ZNF804B: variants seen among roughly 807,000 people sequenced by gnomAD.
ZNF804B encodes the protein zinc finger protein 804B.
ZNF804B carries 80 observed loss-of-function variants against 101.4 expected under a neutral mutation model. The observed-to-expected ratio is 0.79, with a 90% CI of 0.66 to 0.95. The LOEUF is 0.95. Among genes scored for constraint, ZNF804B ranks in the 40% least tolerant of loss-of-function variants. The pLI is 0.00. For synonymous variants in ZNF804B, 622 were observed against 558.8 expected (o/e 1.11, Z -1.59); for missense variants, 1,673 against 1,561.9 (o/e 1.07, Z -1.20).
At chr7:88,877,049 A>ATATATATT (rs1791962731) in intron 1 of ZNF804B, among the ~76,000 whole-genome samples, 1 of 13,914 alleles carries the variant, frequency 7.2e-5, no homozygotes, top group African/African-American at 4.3e-4. Flanking sequence ...ATATATATAT[A>ATATATATT]TTTTTTTTTT....
At chr7:89,203,007 G>GCA (rs141134304) in intron 1 of ZNF804B, among the ~76,000 whole-genome samples, 9 of 151,534 alleles carry the variant, frequency 5.9e-5, no homozygotes, top group Middle Eastern at 3.4e-3. Flanking sequence ...TCTCTACACA[G>GCA]CACACACACA....
chr7:89,072,842 C>T (rs1012989266), intron 1 of ZNF804B, among the ~76,000 whole-genome samples: 1 of 151,966 alleles, frequency 6.6e-6, no homozygotes, highest in Non-Finnish European at 1.5e-5. Flanking sequence ...CAAATGTGAG[C>T]TCATTTTATT....
chr7:89,258,489 G>C (rs1789667693), intron 2 of ZNF804B, among the ~76,000 whole-genome samples: 1 of 152,134 alleles, frequency 6.6e-6, no homozygotes, highest in Non-Finnish European at 1.5e-5. Flanking sequence ...CCATATAGTT[G>C]AATAAATGGT....
At chr7:88,836,423 A>G (rs1045205564) in intron 1 of ZNF804B, among the ~76,000 whole-genome samples, 2 of 151,880 alleles carry the variant, frequency 1.3e-5, no homozygotes, top group African/African-American at 4.8e-5. Context: ...GGGGCAGCAA[A>G]TCAAATCACT....
intron 3 of ZNF804B, 27 bp from the exon 4 acceptor site, chr7:89,333,335 AT>A (rs772061939): frequency 6.6e-7 from 1 of 1,512,750 alleles, no homozygotes; most frequent in Non-Finnish European, 8.8e-7. Flanking sequence ...TAATCTCTTA[AT>A]CATTTAAATA....
At chr7:88,953,088 T>C (rs910505440) in intron 1 of ZNF804B, among the ~76,000 whole-genome samples, 8 of 151,832 alleles carry the variant, frequency 5.3e-5, no homozygotes, top group Admixed American at 6.6e-5. Flanking sequence ...TCCACTAGAC[T>C]CAGAGCTTCT....
At chr7:88,875,968 A>G (rs1374041231) in intron 1 of ZNF804B, among the ~76,000 whole-genome samples, 1 of 152,150 alleles carries the variant, frequency 6.6e-6, no homozygotes, top group East Asian at 1.9e-4. Context: ...CACTGTGAGC[A>G]AGTGGGCTTC....
chr7:89,280,784 G>A (rs1790080710), intron 2 of ZNF804B, among the ~76,000 whole-genome samples: 1 of 152,158 alleles, frequency 6.6e-6, no homozygotes, highest in Non-Finnish European at 1.5e-5. Flanking sequence ...ATCAAAAAGA[G>A]TCCAGGACCA....
intron 1 of ZNF804B, among the ~76,000 whole-genome samples, chr7:89,171,522 C>A (rs920533557): frequency 6.6e-6 from 1 of 151,868 alleles, no homozygotes; most frequent in Non-Finnish European, 1.5e-5. Context: ...GCAATCTCTG[C>A]CTCCCGGGTT....
At position 88,918,360 on chromosome 7, in the gene ZNF804B, T is replaced by C. The variant is rs181730384; in HGVS notation, c.108+158276T>C. 5.3e-5 allele frequency among the ~76,000 whole-genome samples: 8 copies of C among 152,312 alleles called. No homozygotes were observed. In the East Asian group the frequency reaches 1.5e-3, roughly 29 times the overall value. ...CAGTTAAGTTATAATTAGGGAACTT[T>C]AGATCTCTTACTGTCAAGTCAAAAT... On this transcript the variant is annotated intron_variant, in intron 1 of 3. Coordinates refer to ENST00000333190, the MANE Select transcript of ZNF804B (RefSeq NM_181646.5).
At chr7:89,054,308 TTAC>T (rs1789258323) in intron 1 of ZNF804B, among the ~76,000 whole-genome samples, 3 of 147,930 alleles carry the variant, frequency 2.0e-5, no homozygotes, top group Non-Finnish European at 4.5e-5. Context: ...ATATATATTA[TTAC>T]TAATATATAT....
intron 1 of ZNF804B, among the ~76,000 whole-genome samples, chr7:89,141,319 C>T (rs1403307664): frequency 6.6e-6 from 1 of 151,960 alleles, no homozygotes; most frequent in Non-Finnish European, 1.5e-5. Flanking sequence ...TGGGCTAATA[C>T]CCTTGGTCAA....
intron 2 of ZNF804B, among the ~76,000 whole-genome samples, chr7:89,248,529 C>T (rs1789486498): frequency 6.6e-6 from 1 of 151,082 alleles, no homozygotes; most frequent in Non-Finnish European, 1.5e-5. Flanking sequence ...ATTTCATATC[C>T]TCCCAAACTA....
At chr7:89,311,830 T>C (rs1790653763) in intron 2 of ZNF804B, among the ~76,000 whole-genome samples, 1 of 152,214 alleles carries the variant, frequency 6.6e-6, no homozygotes, top group African/African-American at 2.4e-5. Flanking sequence ...TCATGTCTGA[T>C]ATAATATGGG....
At chr7:88,872,804 A>C (rs1393626315) in intron 1 of ZNF804B, among the ~76,000 whole-genome samples, 3 of 149,604 alleles carry the variant, frequency 2.0e-5, no homozygotes, top group Non-Finnish European at 3.0e-5. Context: ...TGAACTCATC[A>C]TTTTTTATGG....
chr7:89,010,135 A>G (rs1446400114), intron 1 of ZNF804B, among the ~76,000 whole-genome samples: 1 of 152,160 alleles, frequency 6.6e-6, no homozygotes, highest in East Asian at 1.9e-4. Context: ...CTTTGGAACA[A>G]TTACTGAATA....
chr7:88,838,053 A>G (rs1353736338), intron 1 of ZNF804B, among the ~76,000 whole-genome samples: 1 of 151,728 alleles, frequency 6.6e-6, no homozygotes, highest in Non-Finnish European at 1.5e-5. Flanking sequence ...AATCTTTGGG[A>G]TTTTCAATTA....
intron 1 of ZNF804B, among the ~76,000 whole-genome samples, chr7:88,841,965 A>C (rs1156493275): frequency 1.3e-5 from 2 of 152,240 alleles, no homozygotes; most frequent in African/African-American, 4.8e-5. Flanking sequence ...CTAACATGTA[A>C]GATTATTTTA....
chr7:88,961,859 A>G (rs1369481176), intron 1 of ZNF804B, among the ~76,000 whole-genome samples: 1 of 151,370 alleles, frequency 6.6e-6, no homozygotes, highest in Non-Finnish European at 1.5e-5. Flanking sequence ...GCCCTGCCAC[A>G]TTTCATCAAT....
Sources: allele counts gnomAD v4.1 joint callset (sites outside exome capture counted in the v4.1 genomes callset), GRCh38; gene constraint gnomAD v4.1.1; transcripts MANE v1.5; gene names NCBI Gene and HGNC (gene_info 2026-07-23, HGNC 2026-07-21).